FBXO4: variants seen among roughly 807,000 people sequenced by gnomAD.
The protein encoded by FBXO4 is F-box only protein 4.
In FBXO4, 36 loss-of-function variants were observed where a neutral mutation model predicts 43.7. The observed-to-expected ratio is 0.82, with a 90% CI of 0.63 to 1.09. The LOEUF (loss-of-function observed/expected upper bound fraction) is 1.09, where lower values mean the gene tolerates loss of function less well. FBXO4 is among the 50% of genes least tolerant of loss of function. The probability of loss-of-function intolerance (pLI) is 0.00; values close to 1 mark genes in which losing one functional copy is unlikely to be tolerated. For synonymous variants in FBXO4, 180 were observed against 165.6 expected (o/e 1.09, Z -0.67); for missense variants, 435 against 474.1 (o/e 0.92, Z 0.77).
the FBXO4 span, among the ~76,000 whole-genome samples, chr5:42,008,020 C>A: frequency 6.6e-6 from 1 of 151,980 alleles, no homozygotes; most frequent in East Asian, 1.9e-4. Flanking sequence ...TAATAATGGA[C>A]TCAGGAAGAA....
the FBXO4 span, chr5:41,967,779 C>CTCT: frequency 9.1e-5 from 56 of 614,126 alleles, no homozygotes; most frequent in Non-Finnish European, 1.7e-4. Flanking sequence ...CATCAATGTG[C>CTCT]TCTGGAAGAG....
the FBXO4 span, among the ~76,000 whole-genome samples, chr5:42,013,022 G>C: frequency 1.3e-5 from 2 of 152,090 alleles, no homozygotes; most frequent in Non-Finnish European, 2.9e-5. Context: ...GACTGTGGGG[G>C]AAGGCTGGGC....
chr5:42,030,110 A>G, the FBXO4 span, among the ~76,000 whole-genome samples: 2 of 152,142 alleles, frequency 1.3e-5, no homozygotes, highest in Non-Finnish European at 2.9e-5. Context: ...AAAATACTTT[A>G]AAGTTCATAT....
intron 3 of FBXO4, among the ~76,000 whole-genome samples, chr5:41,931,665 G>A (rs1043251287): frequency 1.3e-5 from 2 of 152,206 alleles, no homozygotes; most frequent in African/African-American, 4.8e-5. Context: ...ATGGATTACT[G>A]TATGCATCCA....
chr5:41,945,430 A>C (rs1255674671), downstream of FBXO4, among the ~76,000 whole-genome samples: 1 of 152,242 alleles, frequency 6.6e-6, no homozygotes, highest in Non-Finnish European at 1.5e-5. Flanking sequence ...AGACCCCCTG[A>C]AACTATTGCT....
chr5:41,929,280 ACTT>A (rs1018085638), intron 2 of FBXO4, among the ~76,000 whole-genome samples: 1 of 152,148 alleles, frequency 6.6e-6, no homozygotes, highest in South Asian at 2.1e-4. Flanking sequence ...GCCTCTGCTA[ACTT>A]CTTCTCCCCT....
At chr5:42,023,200 A>G in the FBXO4 span, among the ~76,000 whole-genome samples, 1 of 152,124 alleles carries the variant, frequency 6.6e-6, no homozygotes, top group African/African-American at 2.4e-5. Context: ...AAATTGTTAT[A>G]ATAGAATTGA....
the FBXO4 span, among the ~76,000 whole-genome samples, chr5:41,985,856 A>T: frequency 6.6e-6 from 1 of 152,250 alleles, no homozygotes; most frequent in East Asian, 1.9e-4. Flanking sequence ...GCTTTTTGCT[A>T]ACTTTGTAAA....
chr5:42,015,720 A>G, the FBXO4 span, among the ~76,000 whole-genome samples: 1 of 117,938 alleles, frequency 8.5e-6, no homozygotes, highest in Non-Finnish European at 1.7e-5. Flanking sequence ...GCCAGGATTG[A>G]AAAAAAAAAA....
chr5:41,948,515 T>C, the FBXO4 span, among the ~76,000 whole-genome samples: 1,793 of 152,092 alleles, frequency 0.012, 39 homozygotes, highest in African/African-American at 0.041. Context: ...TATCTTTTAA[T>C]ATTATACTAC....
intron 1 of FBXO4, among the ~76,000 whole-genome samples, chr5:41,925,897 T>C (rs2112564518): frequency 6.6e-6 from 1 of 152,306 alleles, no homozygotes; most frequent in Non-Finnish European, 1.5e-5. Context: ...CGTCTTTGAT[T>C]CCGGATCACT....
chr5:41,966,055 C>A, the FBXO4 span, among the ~76,000 whole-genome samples: 2 of 152,052 alleles, frequency 1.3e-5, no homozygotes, highest in Non-Finnish European at 2.9e-5. Flanking sequence ...GGACAAAAAA[C>A]CAAACACTGC....
chr5:41,962,624 G>A, the FBXO4 span, among the ~76,000 whole-genome samples: 11 of 152,232 alleles, frequency 7.2e-5, no homozygotes, highest in East Asian at 7.7e-4. Context: ...GTGTCAGTGC[G>A]GCAAGTCTCT....
the FBXO4 span, among the ~76,000 whole-genome samples, chr5:41,947,108 G>GA: frequency 6.6e-6 from 1 of 152,008 alleles, no homozygotes; most frequent in South Asian, 2.1e-4. Flanking sequence ...AAGAGCCCTA[G>GA]AAAAAAATTG....
intron 1 of FBXO4, among the ~76,000 whole-genome samples, chr5:41,926,569 T>A (rs1040538977): frequency 6.6e-6 from 1 of 152,192 alleles, no homozygotes; most frequent in Non-Finnish European, 1.5e-5. Flanking sequence ...CGAGACTGTG[T>A]CTCAAAAAAG....
At chr5:41,933,785 C>T (rs1443738332) in intron 3 of FBXO4, among the ~76,000 whole-genome samples, 161 bp from the exon 4 acceptor site, 4 of 151,988 alleles carry the variant, frequency 2.6e-5, no homozygotes, top group East Asian at 1.9e-4. Context: ...AAGTTACATA[C>T]GGTATCTTTT....
chr5:41,961,423 G>A, the FBXO4 span, among the ~76,000 whole-genome samples: 1 of 152,226 alleles, frequency 6.6e-6, no homozygotes, highest in Middle Eastern at 3.4e-3. Context: ...ACTAAGTTGA[G>A]GCCTAAAGCA....
At chr5:42,005,444 G>A in the FBXO4 span, among the ~76,000 whole-genome samples, 1 of 152,084 alleles carries the variant, frequency 6.6e-6, no homozygotes, top group African/African-American at 2.4e-5. Flanking sequence ...ACCATTTTCA[G>A]ATTTCTGAAG....
chr5:42,026,718 T>C, the FBXO4 span, among the ~76,000 whole-genome samples: 48 of 151,866 alleles, frequency 3.2e-4, 1 homozygote, highest in South Asian at 9.5e-3. Context: ...GGCTTCAATA[T>C]GATGAGGTAT....
Sources: gnomAD v4.1 joint callset for allele counts (sites outside exome capture counted in the v4.1 genomes callset) on GRCh38, gnomAD v4.1.1 for gene constraint, MANE v1.5 for transcripts, NCBI Gene and HGNC (gene_info 2026-07-23, HGNC 2026-07-21) for gene names.